Variants in CORIN observed in about 807,000 individuals in gnomAD.
The protein encoded by CORIN is atrial natriuretic peptide-converting enzyme.
CORIN carries 117 observed loss-of-function variants against 125.3 expected under a neutral mutation model. That is an observed-to-expected ratio of 0.93 (90% CI 0.80 to 1.09). CORIN has a LOEUF of 1.09. Among genes scored for constraint, CORIN ranks in the 50% least tolerant of loss-of-function variants. The pLI, the probability that CORIN is intolerant of heterozygous loss-of-function variation, is 0.00. For missense variants in CORIN, 1,253 were observed against 1,306.7 expected, an observed-to-expected ratio of 0.96 and a Z score of 0.63; for synonymous variants, 450 against 466.4, an observed-to-expected ratio of 0.96 and a Z score of 0.45.
At chr4:47,611,302 G>A (rs4695255) in intron 19 of CORIN, among the ~76,000 whole-genome samples, 40,875 of 151,870 alleles carry the variant, frequency 0.27, 5,639 homozygotes, top group Admixed American at 0.35. Context: ...CCTTGAAGAG[G>A]TCTTCACTTC....
chr4:47,634,866 G>A (rs1722963763), intron 16 of CORIN, among the ~76,000 whole-genome samples: 2 of 152,100 alleles, frequency 1.3e-5, no homozygotes, highest in Admixed American at 6.5e-5. Context: ...AGTAAATATC[G>A]AGAAGGAAGG....
At chr4:47,804,732 GGGGA>G (rs202212146) in intron 2 of CORIN, among the ~76,000 whole-genome samples, 9,979 of 126,152 alleles carry the variant, frequency 0.079, 396 homozygotes, top group East Asian at 0.19. Flanking sequence ...GGTGGGGGGT[GGGGA>G]GGGGGGGGGT....
At chr4:47,645,267 A>G in intron 13 of CORIN, 73 bp from the exon 14 acceptor site, 1 of 957,402 alleles carries the variant, frequency 1.0e-6, no homozygotes, top group Admixed American at 2.0e-5. Context: ...TCAATGTAGA[A>G]AAATTACGCT....
At chr4:47,706,472 C>G in intron 5 of CORIN, 1 of 1,611,456 alleles carries the variant, frequency 6.2e-7, no homozygotes, top group Non-Finnish European at 8.5e-7. Flanking sequence ...CGCCAGCTCT[C>G]TGCTCTTCAC....
In CORIN at chr4:47,665,087, T is replaced by A; in HGVS notation, c.1534A>T (p.Thr512Ser). ...CYKYLMFFSC[T>S]ILVPKCDVNT... ...ACATCACATTTTGGTACCAAAATGG[T>A]GCAAGAAAAGAACATGAGGTATTTA... The change falls in exon 11 of 22, where the codon ACC becomes TCC. Residue 512 changes from threonine (T) to serine (S), a missense_variant. By Grantham distance (58) the Thr-to-Ser change is moderately conservative. Coordinates refer to ENST00000273857, the MANE Select transcript of CORIN (RefSeq NM_006587.4). 1 of 1,613,778 alleles carries A rather than the reference T, an allele frequency of 6.2e-7. No individual in the cohort carries two copies. Among genetic ancestry groups the A allele is most frequent in the South Asian group, 1.1e-5 (1 of 91,062 alleles).
chr4:47,793,886 C>A (rs1278742367), intron 2 of CORIN, among the ~76,000 whole-genome samples: 1 of 152,116 alleles, frequency 6.6e-6, no homozygotes, highest in Non-Finnish European at 1.5e-5. Flanking sequence ...CTGGATTCTG[C>A]ATTTTACACA....
intron 19 of CORIN, among the ~76,000 whole-genome samples, chr4:47,620,006 G>A (rs61759678): frequency 1.3e-5 from 2 of 152,120 alleles, no homozygotes; most frequent in Non-Finnish European, 2.9e-5. Context: ...CTCAAGCGAA[G>A]GTGCTAGTTA....
At chr4:47,794,560 A>C (rs1731213416) in intron 2 of CORIN, among the ~76,000 whole-genome samples, 1 of 152,206 alleles carries the variant, frequency 6.6e-6, no homozygotes, top group Non-Finnish European at 1.5e-5. Context: ...TTAGATATAT[A>C]TGGATGAGTG....
chr4:47,683,721 T>C lies in CORIN; in HGVS notation c.1021+10A>G, dbSNP rs551151848. The C allele has an allele frequency of 2.8e-5, 45 of 1,586,684 alleles. No homozygotes were observed. In the South Asian group the frequency reaches 4.8e-4, roughly 17 times the overall value. On this transcript the variant is annotated intron_variant, in intron 7 of 21. Transcript: ENST00000273857. ...TAAATTAAAACCTTTGGGGAAACAA[T>C]GCTACTTACCACAGTTTTGCTCATC...
chr4:47,643,189 A>G lies in CORIN; in HGVS notation c.2025T>C (p.Asp675=). 1 of 1,614,116 alleles carries G rather than the reference A, an allele frequency of 6.2e-7. No homozygotes were observed. Among genetic ancestry groups the G allele is most frequent in the South Asian group, 1.1e-5 (1 of 91,080 alleles). The change falls in exon 15 of 22, where the codon GAT becomes GAC. Residue 675 remains aspartate (D), a synonymous_variant. Coordinates refer to ENST00000273857, the MANE Select transcript of CORIN (RefSeq NM_006587.4). ...AACTGTCTGAGCAGTCGGCTTCACC[A>G]TCACACCACAGGTCACGTGACACAC... is the stretch of plus-strand genomic sequence containing the variant. ...HACVSRDLWC[D]GEADCSDSSD... is the part of the protein sequence containing the mutation.
At chr4:47,808,098 C>T (rs1731873300) in intron 1 of CORIN, among the ~76,000 whole-genome samples, 1 of 152,058 alleles carries the variant, frequency 6.6e-6, no homozygotes, top group Non-Finnish European at 1.5e-5. Context: ...TAAGACGAAC[C>T]TTCTCTCTCT....
intron 5 of CORIN, among the ~76,000 whole-genome samples, chr4:47,695,217 A>G (rs1429129453): frequency 6.6e-6 from 1 of 152,198 alleles, no homozygotes; most frequent in Non-Finnish European, 1.5e-5. Flanking sequence ...AGTCTGTACA[A>G]TATCCTCTCT....
chr4:47,747,786 C>G (rs1728724911), intron 4 of CORIN, among the ~76,000 whole-genome samples: 1 of 152,152 alleles, frequency 6.6e-6, no homozygotes, highest in Non-Finnish European at 1.5e-5. Context: ...AACTCAGTTT[C>G]CTCATTTGAA....
At chr4:47,739,522 G>T (rs1418665591) in intron 5 of CORIN, among the ~76,000 whole-genome samples, 1 of 151,878 alleles carries the variant, frequency 6.6e-6, no homozygotes, top group Non-Finnish European at 1.5e-5. Flanking sequence ...GCTATTAACA[G>T]AACCACCCTG....
At chr4:47,693,123 G>A in intron 5 of CORIN, 40 bp from the exon 6 acceptor site, 3 of 1,312,058 alleles carry the variant, frequency 2.3e-6, no homozygotes, top group African/African-American at 1.5e-5. Flanking sequence ...GAATAAGATG[G>A]GTTTTTTTTC....
rs187171519 is a variant in CORIN, at chr4:47,599,570, A to G, written c.2946+644T>C. 1.2e-3 allele frequency among the ~76,000 whole-genome samples: 181 copies of G among 152,176 alleles called. 1 individual carries two copies. Among genetic ancestry groups the G allele is most frequent in the African/African-American group, 3.7e-3 (153 of 41,514 alleles). ...GGGAGCCAGTCCAGTATAATGTTCG[A>G]TGTGTGTCTATTAAGTAAAAATAAA... is the stretch of plus-strand genomic sequence containing the variant. On this transcript the variant is annotated intron_variant, in intron 21 of 21. Coordinates refer to ENST00000273857, the MANE Select transcript of CORIN (RefSeq NM_006587.4).
intron 12 of CORIN, among the ~76,000 whole-genome samples, chr4:47,660,170 A>G (rs1724180787): frequency 6.6e-6 from 1 of 152,326 alleles, no homozygotes; most frequent in African/African-American, 2.4e-5. Flanking sequence ...ATCTCTCACC[A>G]CATACAAAAA....
At chr4:47,615,021 C>T (rs1217944358) in intron 19 of CORIN, among the ~76,000 whole-genome samples, 1 of 152,210 alleles carries the variant, frequency 6.6e-6, no homozygotes. Flanking sequence ...GAGAAAGTGA[C>T]ACTCAAATTG....
intron 3 of CORIN, among the ~76,000 whole-genome samples, chr4:47,773,114 T>C (rs563922463): frequency 6.6e-6 from 1 of 152,312 alleles, no homozygotes; most frequent in South Asian, 2.1e-4. Flanking sequence ...CTATAGAATG[T>C]TTTTAAAAAA....
Sources: gnomAD v4.1 joint callset for allele counts (sites outside exome capture counted in the v4.1 genomes callset) on GRCh38, gnomAD v4.1.1 for gene constraint, MANE v1.5 for transcripts, NCBI Gene and HGNC (gene_info 2026-07-23, HGNC 2026-07-21) for gene names.